The following BSN variants were observed in gnomAD, a reference collection of about 807,000 sequenced individuals.
The protein encoded by BSN is bassoon presynaptic cytomatrix protein.
Under a neutral mutation model 264.8 loss-of-function variants are expected in BSN, and 57 were observed. The observed-to-expected ratio is 0.22, with a 90% CI of 0.17 to 0.27. BSN has a LOEUF of 0.27. Among genes scored for constraint, BSN ranks in the 10% least tolerant of loss-of-function variants. BSN has a pLI of 1.00. For synonymous variants in BSN, 2,059 were observed against 2,137.3 expected, an observed-to-expected ratio of 0.96 and a Z score of 1.01; for missense variants, 4,615 against 5,232.5, an observed-to-expected ratio of 0.88 and a Z score of 3.64.
rs753949712 is a variant in BSN, at chr3:49,660,765, G to T, written c.8920G>T (p.Ala2974Ser). 1.2e-6 allele frequency: 2 copies of T among 1,613,090 alleles called. No individual in the cohort carries two copies. Among genetic ancestry groups the T allele is most frequent in the South Asian group, 2.2e-5 (2 of 91,074 alleles). ...GGATGAGGAGGAGAAGGAGATTGAC[G>T]CCAAGCTCAAGTACCTGGAGTTGGG... ...ELDEEEKEID[A>S]KLKYLELGIT... Residue 2974 changes from alanine (A) to serine (S), a missense_variant, in exon 6 of 12, where the codon GCC becomes TCC. Ala to Ser is a moderately conservative substitution (Grantham distance 99). Around this residue, in one of 3 missense-constraint regions of BSN, gnomAD observed 3,415 missense variants for 3,866.4 expected, o/e 0.88. Coordinates refer to ENST00000296452, the MANE Select transcript of BSN (RefSeq NM_003458.4). This position sits in a 1 kb window ranked among gnomAD's most constrained non-coding sequence, Gnocchi z 7.1.
At chr3:49,592,891 C>T (rs1221181448) in intron 1 of BSN, among the ~76,000 whole-genome samples, 3 of 152,044 alleles carry the variant, frequency 2.0e-5, no homozygotes, top group Non-Finnish European at 4.4e-5. Flanking sequence ...TCAGATTTTT[C>T]TAGTTTTACT....
intron 11 of BSN, among the ~76,000 whole-genome samples, chr3:49,665,761 G>T (rs921383914): frequency 5.3e-5 from 8 of 152,248 alleles, no homozygotes; most frequent in African/African-American, 1.9e-4. Flanking sequence ...AAACACTCCT[G>T]GCTTCACAGG....
At position 49,651,039 on chromosome 3, in the gene BSN, T is replaced by C. The variant is rs142488750; in HGVS notation, c.1946T>C (p.Val649Ala). ...AGGGCTGAACCTGCCACCCCTGTCGTCAAGGCTGTTCCAGAAGCCCCCAAG... is the reference window on the plus strand; with the variant it reads ...AGGGCTGAACCTGCCACCCCTGTCGCCAAGGCTGTTCCAGAAGCCCCCAAG... ...VRRAEPATPVVKAVPEAPKGG... is the reference protein window; with the variant it reads ...VRRAEPATPVAKAVPEAPKGG... Residue 649 changes from valine (V) to alanine (A), a missense_variant, in exon 4 of 12, where the codon GTC (valine) becomes GCC (alanine). This residue lies in a region of BSN where 1,197 missense variants were observed against 1,348.0 expected (regional missense o/e 0.89). Coordinates refer to ENST00000296452, the MANE Select transcript of BSN (RefSeq NM_003458.4). This position sits in a 1 kb window ranked among gnomAD's most constrained non-coding sequence, Gnocchi z 5.4. 110 of 1,613,052 alleles carry C rather than the reference T, an allele frequency of 6.8e-5. No individual in the cohort carries two copies. In the African/African-American group the frequency reaches 7.5e-4, roughly 11 times the overall value.
chr3:49,613,302 G>A (rs967222237), intron 1 of BSN, among the ~76,000 whole-genome samples: 6 of 135,482 alleles, frequency 4.4e-5, no homozygotes, highest in African/African-American at 1.7e-4. Flanking sequence ...CACACACAGA[G>A]CGAGAGAGAG....
chr3:49,590,082 C>T (rs1297358619), intron 1 of BSN, among the ~76,000 whole-genome samples: 2 of 151,604 alleles, frequency 1.3e-5, no homozygotes, highest in African/African-American at 4.8e-5. Flanking sequence ...GTGATCTGCC[C>T]GCCTCGGCCT....
In BSN at chr3:49,662,939, G is replaced by C. The variant is rs762048089; in HGVS notation, c.10781G>C (p.Arg3594Pro). 7.4e-6 allele frequency: 12 copies of C among 1,613,688 alleles called. No individual in the cohort carries two copies. The highest frequency in any genetic ancestry group is 9.3e-6 in the Non-Finnish European group (11 of 1,179,870). The change falls in exon 7 of 12, where the codon CGG (arginine) becomes CCG (proline). Residue 3594 changes from arginine to proline, a missense_variant. By Grantham distance (103) the Arg-to-Pro change is moderately radical. Transcript: ENST00000296452. ...FDKPRDARSD[R>P]FRHHGGHAVS... Reference sequence around the variant, plus strand: ...AAGCCCCGGGATGCCCGCTCTGACCGGTTCAGGCACCACGGGGGCCATGCA... The same window carrying C: ...AAGCCCCGGGATGCCCGCTCTGACCCGTTCAGGCACCACGGGGGCCATGCA...
rs751556192 is a variant in BSN at position 49,656,049 on chromosome 3, G to C, written c.6493G>C (p.Ala2165Pro). ...GGGCCACCCAAGTCCTGGGAACTTG[G>C]CCCAGTATGGGCCTGCAGCAGGCCA... ...PEGHPSPGNLAQYGPAAGQGT... is the reference protein window; with the variant it reads ...PEGHPSPGNLPQYGPAAGQGT... Residue 2165 changes from alanine to proline, a missense_variant, in exon 5 of 12, where the codon GCC becomes CCC. Coordinates refer to ENST00000296452, the MANE Select transcript of BSN (RefSeq NM_003458.4). The C allele has an allele frequency of 5.0e-6, 8 of 1,604,826 alleles. No individual in the cohort carries two copies.
chr3:49,663,752 T>C lies in BSN; in HGVS notation c.11509-35T>C, dbSNP rs765410517. ...CATCCCCTTGGTTCCAGGCTGGGCA[T>C]GGGCAGAATCTTAGCTATAGGTTCT... On this transcript the variant is annotated intron_variant, in intron 7 of 11. Coordinates refer to ENST00000296452, the MANE Select transcript of BSN (RefSeq NM_003458.4). 5 of 1,613,330 alleles carry C rather than the reference T, an allele frequency of 3.1e-6. No individual in the cohort carries two copies. The South Asian group carries it at 4.4e-5, about 14-fold the overall frequency.
chr3:49,652,341 C>T lies in BSN; in HGVS notation c.2785C>T (p.Arg929Cys), dbSNP rs1215071516. 9.4e-6 allele frequency: 15 copies of T among 1,602,768 alleles called. No individual in the cohort carries two copies. The highest frequency in any genetic ancestry group is 2.2e-5 in the South Asian group (2 of 89,524). ...CAGTGGGACCCTGCAGGGTGGGCTC[C>T]GTCGCTTCAAGACCATTGAGCTCAA... Reference protein sequence around the residue: ...DGSGTLQGGLRRFKTIELNST... With the variant: ...DGSGTLQGGLCRFKTIELNST... The change falls in exon 5 of 12, where the codon CGT (arginine) becomes TGT (cysteine). Residue 929 changes from arginine (R) to cysteine (C), a missense_variant. Arg to Cys is a radical substitution (Grantham distance 180). Around this residue, in one of 3 missense-constraint regions of BSN, gnomAD observed 1,197 missense variants for 1,348.0 expected, o/e 0.89. Coordinates refer to ENST00000296452, the MANE Select transcript of BSN (RefSeq NM_003458.4).
chr3:49,672,916 A>T (rs1409435608), downstream of BSN, among the ~76,000 whole-genome samples: 1 of 149,890 alleles, frequency 6.7e-6, no homozygotes, highest in Non-Finnish European at 1.5e-5. Context: ...AGTAACTGGG[A>T]CTACAGGCGC....
rs1275038095 is a variant in BSN at position 49,661,530 on chromosome 3, C to T, written c.9685C>T (p.Arg3229Ter). ...TACCAGTCTGGAGCAGAACGTTCCTCGAAACTACGTAATGATTGATGACAT... is the reference window on the plus strand; with the variant it reads ...TACCAGTCTGGAGCAGAACGTTCCTTGAAACTACGTAATGATTGATGACAT... ...HYTSLEQNVP[R>*]NYVMIDDISE... is the part of the protein sequence containing the mutation. Residue 3229 changes from arginine (R) to a stop codon, truncating the protein, a stop_gained, in exon 6 of 12, where the codon CGA becomes TGA. Transcript: ENST00000296452. LOFTEE classifies it high-confidence loss of function. The T allele has an allele frequency of 6.2e-7, 1 of 1,614,070 alleles. No individual in the cohort carries two copies. Among genetic ancestry groups the T allele is most frequent in the Non-Finnish European group, 8.5e-7 (1 of 1,180,038 alleles).
In BSN at chr3:49,661,358, G is replaced by A. The variant is rs759218183; in HGVS notation, c.9513G>A (p.Met3171Ile). 4.4e-5 allele frequency: 71 copies of A among 1,613,886 alleles called. No homozygotes were observed. The East Asian group carries it at 1.3e-3, about 30-fold the overall frequency. The change falls in exon 6 of 12, where the codon ATG becomes ATA. Residue 3171 changes from methionine to isoleucine, a missense_variant. Transcript: ENST00000296452. Reference sequence around the variant, plus strand: ...TGATCGCCAGCCCCGTTGTGCCCATGTCTTCAGCCCCATCTGAAACCAGCT... The same window carrying A: ...TGATCGCCAGCCCCGTTGTGCCCATATCTTCAGCCCCATCTGAAACCAGCT... ...YEVIASPVVP[M>I]SSAPSETSYS...
At position 49,669,303 on chromosome 3, in the gene BSN, G is replaced by C. The variant is rs56176327; in HGVS notation, c.*1818G>C. ...ATACCCTGCAGTTTTCTCTGTCCAG[G>C]ACAGCAGGTAAAAAGGAATCCCCAG... On this transcript the variant is annotated 3_prime_UTR_variant, in exon 12 of 12. Transcript: ENST00000296452. 0.069 allele frequency: 10,496 copies of C among 152,764 alleles called. 500 individuals carry two copies. The highest frequency in any genetic ancestry group is 0.11 in the Non-Finnish European group (7,466 of 68,050). The allele number at this position is 152,764 out of a possible 1,614,324, so 9.5% of individuals were successfully genotyped here.
At position 49,653,983 on chromosome 3, in the gene BSN, C is replaced by T; in HGVS notation, c.4427C>T (p.Ser1476Phe). Residue 1476 changes from serine (S) to phenylalanine (F), a missense_variant, in exon 5 of 12, where the codon TCC becomes TTC. By Grantham distance (155) the Ser-to-Phe change is radical. Coordinates refer to ENST00000296452, the MANE Select transcript of BSN (RefSeq NM_003458.4). The surrounding 1 kb of genome is among the most constrained non-coding windows in gnomAD (Gnocchi z 6.3). ...PSRAYSYFASSSPPLSPSSPS... is the reference protein window; with the variant it reads ...PSRAYSYFASFSPPLSPSSPS... ...CGGGCATATTCCTACTTTGCAAGCT[C>T]CAGCCCACCTCTCTCCCCGTCTTCC... 1.2e-6 allele frequency: 2 copies of T among 1,614,036 alleles called. No homozygotes were observed. The highest frequency in any genetic ancestry group is 1.7e-6 in the Non-Finnish European group (2 of 1,180,004).
rs757213353 is a variant in BSN at position 49,642,404 on chromosome 3, C to T, written c.770C>T (p.Pro257Leu). 9.1e-5 allele frequency: 145 copies of T among 1,601,786 alleles called. No individual in the cohort carries two copies. Among genetic ancestry groups the T allele is most frequent in the Non-Finnish European group, 8.3e-5 (97 of 1,174,254 alleles). The change falls in exon 3 of 12, where the codon CCC becomes CTC. Residue 257 changes from proline (P) to leucine (L), a missense_variant. Physicochemically the swap from Pro to Leu is moderately conservative, Grantham distance 98. This residue lies in a region of BSN where 1,197 missense variants were observed against 1,348.0 expected (regional missense o/e 0.89). Transcript: ENST00000296452. This position sits in a 1 kb window ranked among gnomAD's most constrained non-coding sequence, Gnocchi z 7.0. The part of the protein sequence containing the change: ...LSPAHSPAKQ[P>L]LGKPDQERSR... The stretch of plus-strand genomic sequence containing the variant: ...CCTGCCCACTCCCCGGCCAAACAGC[C>T]CCTGGGGAAGCCAGACCAAGAGAGA...
chr3:49,621,268 A>G (rs2052303446), intron 1 of BSN, among the ~76,000 whole-genome samples: 1 of 152,166 alleles, frequency 6.6e-6, no homozygotes, highest in African/African-American at 2.4e-5. Context: ...GGTGGGTATC[A>G]GTGGAAAGTG....
At chr3:49,612,273 T>G (rs890909157) in intron 1 of BSN, among the ~76,000 whole-genome samples, 6 of 152,158 alleles carry the variant, frequency 3.9e-5, no homozygotes, top group African/African-American at 1.4e-4. Context: ...GTAGCTGGGA[T>G]TACAGGCGCA....
chr3:49,671,153 CGTGCGTGTGTGT>C lies in BSN; in HGVS notation c.*3672_*3683del, dbSNP rs1029221137. 21 of 51,632 alleles carry C rather than the reference CGTGCGTGTGTGT, an allele frequency of 4.1e-4. No individual in the cohort carries two copies. The highest frequency in any genetic ancestry group is 1.0e-3 in the African/African-American group (20 of 19,504). 3.2% of individuals were successfully genotyped at this position (51,632 alleles called of 1,614,324 possible). A position where few individuals can be genotyped will look rare whatever the true frequency, so the allele number is the denominator to read the frequency against. On this transcript the variant is annotated 3_prime_UTR_variant, in exon 12 of 12. Coordinates refer to ENST00000296452, the MANE Select transcript of BSN (RefSeq NM_003458.4). This position sits in a 1 kb window ranked among gnomAD's most constrained non-coding sequence, Gnocchi z 4.1. ...GATCATGTGTGTATGTGCGTGCGTGCGTGCGTGTGTGTGTGTGTGTGTGTTTCTGCCTCATTC... is the reference window on the plus strand; with the variant it reads ...GATCATGTGTGTATGTGCGTGCGTGCGTGTGTGTGTGTTTCTGCCTCATTC...
chr3:49,672,006 T>G (rs1298689093), downstream of BSN, among the ~76,000 whole-genome samples: 7 of 142,678 alleles, frequency 4.9e-5, no homozygotes, highest in Non-Finnish European at 1.1e-4. Context: ...CTTACCGAAG[T>G]CACCCAGAGT....
Sources: gnomAD v4.1 joint callset for allele counts (sites outside exome capture counted in the v4.1 genomes callset) on GRCh38, gnomAD v4.1.1 for gene constraint, gnomAD v4.1.1 regional missense constraint, Gnocchi (gnomAD v3.1) non-coding constraint, MANE v1.5 for transcripts, NCBI Gene and HGNC (gene_info 2026-07-23, HGNC 2026-07-21) for gene names.